Variants in MIER1 observed in about 807,000 individuals in gnomAD.
The protein encoded by MIER1 is MIER1 transcriptional regulator.
Under a neutral mutation model 75.7 loss-of-function variants are expected in MIER1, and 40 were observed. The observed-to-expected ratio is 0.53, with a 90% CI of 0.41 to 0.69. The LOEUF (loss-of-function observed/expected upper bound fraction) is 0.69. Among genes scored for constraint, MIER1 ranks in the 30% least tolerant of loss-of-function variants. MIER1 has a pLI of 0.00. For missense variants in MIER1, 574 were observed against 680.2 expected (o/e 0.84, Z 1.74); for synonymous variants, 213 against 223.4 (o/e 0.95, Z 0.42).
intron 4 of MIER1, 120 bp downstream of exon 4, chr1:66,946,415 A>T: frequency 2.1e-6 from 3 of 1,399,578 alleles, no homozygotes; most frequent in Non-Finnish European, 2.8e-6. Flanking sequence ...TGACTGAAAA[A>T]TTTTGTGTGA....
rs1666993602 is a variant in MIER1 at position 66,987,957 on chromosome 1, A to AATG, written c.*3058_*3060dup. 6.6e-6 allele frequency: 1 copy of AATG among 152,272 alleles called. No homozygotes were observed. The highest frequency in any genetic ancestry group is 2.4e-5 in the African/African-American group (1 of 41,428). 9.4% of individuals were successfully genotyped at this position (152,272 alleles called of 1,614,324 possible). ...CTGCTGGATTATATAATTTAAAAATAATGTGTTCCCGTATTTTGTAGTGGA... is the reference window on the plus strand; with the variant it reads ...CTGCTGGATTATATAATTTAAAAATAATGATGTGTTCCCGTATTTTGTAGTGGA... On this transcript the variant is annotated 3_prime_UTR_variant, in exon 14 of 14. Transcript: ENST00000401041.
chr1:66,971,603 C>A, intron 9 of MIER1, 52 bp from the exon 10 acceptor site: 1 of 878,810 alleles, frequency 1.1e-6, no homozygotes, highest in Non-Finnish European at 1.8e-6. Flanking sequence ...GAAATTGTAG[C>A]ATTGAACTGT....
At position 66,970,906 on chromosome 1, in the gene MIER1, G is replaced by T; in HGVS notation, c.871G>T (p.Glu291Ter). ...AGATGCATCTAGAAGAACAGGTGAT[G>T]AGAAGGGTGTAGAAGCAATTCCTGA... ...LKDASRRTGD[E>*]KGVEAIPEGS... Residue 291 changes from glutamate (E) to a stop codon, truncating the protein, a stop_gained, in exon 9 of 14, where the codon GAG becomes TAG. Transcript: ENST00000401041. LOFTEE classifies it high-confidence loss of function. The T allele has an allele frequency of 6.3e-7, 1 of 1,598,136 alleles. No individual in the cohort carries two copies. The highest frequency in any genetic ancestry group is 1.1e-5 in the South Asian group (1 of 88,312).
At position 66,987,337 on chromosome 1, in the gene MIER1, G is replaced by C. The variant is rs1666909635; in HGVS notation, c.*2437G>C. The C allele has an allele frequency of 6.6e-6, 1 of 152,596 alleles. No homozygotes were observed. Among genetic ancestry groups the C allele is most frequent in the Non-Finnish European group, 1.5e-5 (1 of 67,944 alleles). The allele number at this position is 152,596 out of a possible 1,614,324, so 9.5% of individuals were successfully genotyped here. A position where few individuals can be genotyped will look rare whatever the true frequency, so the allele number is the denominator to read the frequency against. On this transcript the variant is annotated 3_prime_UTR_variant, in exon 14 of 14. Coordinates refer to ENST00000401041, the MANE Select transcript of MIER1 (RefSeq NM_001077700.3). ...TACATTTCAGAACTTTTGAACTTTTGACAAATTGCATTGGAAAAAGAAGTC... is the reference window on the plus strand; with the variant it reads ...TACATTTCAGAACTTTTGAACTTTTCACAAATTGCATTGGAAAAAGAAGTC...
chr1:66,937,435 G>C (rs371865851), intron 2 of MIER1, among the ~76,000 whole-genome samples: 112 of 151,926 alleles, frequency 7.4e-4, no homozygotes, highest in African/African-American at 2.3e-3. Context: ...AAACACAAAA[G>C]TTAGCGAGCC....
intron 4 of MIER1, among the ~76,000 whole-genome samples, chr1:66,952,842 G>A (rs766516749): frequency 3.3e-5 from 5 of 152,046 alleles, no homozygotes; most frequent in African/African-American, 1.2e-4. Flanking sequence ...ACGGTGTTTC[G>A]CCATGTTGCC....
chr1:66,933,319 G>A (rs767181260), intron 2 of MIER1, among the ~76,000 whole-genome samples: 98 of 152,098 alleles, frequency 6.4e-4, no homozygotes, highest in Non-Finnish European at 1.1e-3. Flanking sequence ...GTATTTTAGC[G>A]TTTGTAAACA....
At chr1:66,972,342 G>C (rs1663875189) in intron 10 of MIER1, among the ~76,000 whole-genome samples, 1 of 150,382 alleles carries the variant, frequency 6.6e-6, no homozygotes, top group Non-Finnish European at 1.5e-5. Context: ...TATAAACAAA[G>C]TCCCTTCCCC....
At position 66,986,211 on chromosome 1, in the gene MIER1, G is replaced by GA. The variant is rs1666761226; in HGVS notation, c.*1315dup. The GA allele has an allele frequency of 8.0e-7, 1 of 1,255,810 alleles. No individual in the cohort carries two copies. The highest frequency in any genetic ancestry group is 1.0e-6 in the Non-Finnish European group (1 of 1,001,230). 77.8% of individuals were successfully genotyped at this position (1,255,810 alleles called of 1,614,324 possible). ...AGATTTGATAATGCTTTTCCAAAGT[G>GA]AAAATAAGATACACAATAATCATTG... On this transcript the variant is annotated 3_prime_UTR_variant, in exon 14 of 14. Coordinates refer to ENST00000401041, the MANE Select transcript of MIER1 (RefSeq NM_001077700.3).
intron 13 of MIER1, among the ~76,000 whole-genome samples, chr1:66,982,197 C>T (rs1358123827): frequency 6.6e-6 from 1 of 152,122 alleles, no homozygotes; most frequent in Non-Finnish European, 1.5e-5. Context: ...CCTGTCTTGT[C>T]TAGTTGGGTT....
chr1:66,952,783 G>A (rs1334192921), intron 4 of MIER1, among the ~76,000 whole-genome samples: 1 of 152,052 alleles, frequency 6.6e-6, no homozygotes, highest in Non-Finnish European at 1.5e-5. Flanking sequence ...CTGGGACTAC[G>A]GGCATGCGCT....
chr1:66,952,828 A>G (rs1322479500), intron 4 of MIER1, among the ~76,000 whole-genome samples: 5 of 152,100 alleles, frequency 3.3e-5, no homozygotes, highest in Non-Finnish European at 5.9e-5. Flanking sequence ...TATTTTTTAC[A>G]TGGACGGTGT....
intron 3 of MIER1, among the ~76,000 whole-genome samples, chr1:66,945,267 GTATATATATATATATATATATATATATA>G (rs66525570): frequency 0.019 from 2,706 of 141,894 alleles, 65 homozygotes; most frequent in African/African-American, 0.037. Context: ...TCTGGTGTGT[GTATATATATATATATATATATATATATA>G]TATATATATA....
At chr1:66,954,017 A>T (rs1659578882) in intron 4 of MIER1, among the ~76,000 whole-genome samples, 1 of 152,228 alleles carries the variant, frequency 6.6e-6, no homozygotes, top group African/African-American at 2.4e-5. Context: ...ATGAAAGTGT[A>T]GTTGGGTACA....
At chr1:66,959,635 G>A (rs1660849719) in intron 6 of MIER1, 44 bp from the exon 7 acceptor site, 1 of 934,006 alleles carries the variant, frequency 1.1e-6, no homozygotes, top group Non-Finnish European at 1.6e-6. Flanking sequence ...GATTTAGACA[G>A]GATAAGCAGT....
At chr1:66,972,533 T>A (rs1411974088) in intron 10 of MIER1, among the ~76,000 whole-genome samples, 1 of 151,860 alleles carries the variant, frequency 6.6e-6, no homozygotes, top group Non-Finnish European at 1.5e-5. Context: ...AAAAGAATTA[T>A]CTCAGTGAAA....
intron 12 of MIER1, among the ~76,000 whole-genome samples, chr1:66,977,876 C>T (rs1296942887): frequency 2.0e-5 from 3 of 151,908 alleles, no homozygotes; most frequent in African/African-American, 7.3e-5. Flanking sequence ...TAAAGATGTT[C>T]TTAAAGCTGA....
At chr1:66,960,036 T>C (rs1660962892) in intron 7 of MIER1, 1 of 192,990 alleles carries the variant, frequency 5.2e-6, no homozygotes, top group African/African-American at 2.3e-5. Flanking sequence ...CTGGGCAGCG[T>C]TGCGGGACCC....
intron 4 of MIER1, 86 bp downstream of exon 4, chr1:66,946,381 G>A (rs1325330369): frequency 4.8e-5 from 70 of 1,463,956 alleles, no homozygotes; most frequent in Non-Finnish European, 5.8e-5. Context: ...CTCTGATTAG[G>A]AGAGAAATTG....
Sources: allele counts gnomAD v4.1 joint callset (sites outside exome capture counted in the v4.1 genomes callset), GRCh38; gene constraint gnomAD v4.1.1; transcripts MANE v1.5; gene names NCBI Gene and HGNC (gene_info 2026-07-23, HGNC 2026-07-21).